The following NEGR1 variants were observed in gnomAD, a reference collection of about 807,000 sequenced individuals.
The protein encoded by NEGR1 is IgLON family member 4.
Under a neutral mutation model 40.9 loss-of-function variants are expected in NEGR1, and 10 were observed. That is an observed-to-expected ratio of 0.24 (90% CI 0.15 to 0.42). The LOEUF (loss-of-function observed/expected upper bound fraction) is 0.42, where lower values mean the gene tolerates loss of function less well. Ranked by LOEUF, NEGR1 falls within the 10% of genes least tolerant of loss-of-function variation. NEGR1 has a pLI of 1.00. For synonymous variants in NEGR1, 185 were observed against 166.8 expected, an observed-to-expected ratio of 1.11 and a Z score of -0.84; for missense variants, 352 against 438.9, an observed-to-expected ratio of 0.80 and a Z score of 1.77.
rs554297284 is a variant in NEGR1 at position 71,773,806 on chromosome 1, T to A, written c.535+2366A>T. Among the ~76,000 whole-genome samples, 317 of 152,278 alleles carry A rather than the reference T, an allele frequency of 2.1e-3. 1 individual carries two copies. Among genetic ancestry groups the A allele is most frequent in the African/African-American group, 7.4e-3 (306 of 41,566 alleles). On this transcript the variant is annotated intron_variant, in intron 3 of 6. Transcript: ENST00000357731. ...TTTAACTTATAAACCCAATCTGTCT[T>A]CTTTCAGTTTCATGATGTTATCCGT... is the stretch of plus-strand genomic sequence containing the variant.
intron 1 of NEGR1, among the ~76,000 whole-genome samples, chr1:72,166,339 T>C (rs759362862): frequency 5.3e-5 from 8 of 152,068 alleles, no homozygotes; most frequent in Non-Finnish European, 7.4e-5. Context: ...GGTAGACATG[T>C]AAATTAGCCA....
At chr1:71,549,002 G>A (rs1337546107) in intron 6 of NEGR1, among the ~76,000 whole-genome samples, 1 of 151,706 alleles carries the variant, frequency 6.6e-6, no homozygotes, top group Admixed American at 6.6e-5. Flanking sequence ...ACTGAGAACA[G>A]GAGAGTTCTT....
chr1:71,658,835 G>A (rs1000367629), intron 4 of NEGR1, among the ~76,000 whole-genome samples: 2 of 152,134 alleles, frequency 1.3e-5, no homozygotes, highest in Admixed American at 6.5e-5. Flanking sequence ...TGACAGTTAT[G>A]TAAAAACATT....
intron 1 of NEGR1, among the ~76,000 whole-genome samples, chr1:72,196,856 C>T (rs1342941240): frequency 6.6e-6 from 1 of 151,144 alleles, no homozygotes; most frequent in African/African-American, 2.4e-5. Context: ...AGGCATAGTG[C>T]CACAAAAAGT....
chr1:71,952,003 A>G (rs974487340), intron 1 of NEGR1, among the ~76,000 whole-genome samples: 3 of 151,906 alleles, frequency 2.0e-5, no homozygotes, highest in African/African-American at 4.8e-5. Flanking sequence ...CCCAACTACC[A>G]GTCATTCCCC....
intron 3 of NEGR1, among the ~76,000 whole-genome samples, chr1:71,733,744 A>G (rs1654959313): frequency 6.6e-6 from 1 of 152,200 alleles, no homozygotes; most frequent in African/African-American, 2.4e-5. Context: ...ACAGCAAAAT[A>G]TAATACAGTA....
intron 4 of NEGR1, among the ~76,000 whole-genome samples, chr1:71,696,072 T>C (rs562168282): frequency 6.6e-6 from 1 of 151,878 alleles, no homozygotes; most frequent in African/African-American, 2.4e-5. Context: ...TTGCCTTTTG[T>C]CTTTGTCCAC....
intron 3 of NEGR1, among the ~76,000 whole-genome samples, chr1:71,710,997 A>T (rs1013785455): frequency 9.9e-5 from 15 of 152,102 alleles, no homozygotes; most frequent in African/African-American, 3.6e-4. Flanking sequence ...CATGTACCCC[A>T]TAAATATATA....
intron 6 of NEGR1, among the ~76,000 whole-genome samples, chr1:71,445,311 A>T (rs528218386): frequency 0.016 from 2,370 of 146,626 alleles, 64 homozygotes; most frequent in African/African-American, 0.061. Context: ...TTTTTTTTTA[A>T]AAAAAAAATA....
intron 6 of NEGR1, chr1:71,477,367 C>T (rs1363181051): frequency 6.6e-6 from 1 of 152,014 alleles, no homozygotes; most frequent in African/African-American, 2.4e-5. Context: ...TATTTTTTCA[C>T]CTTTCACAGG....
At chr1:72,148,865 T>C (rs540396291) in intron 1 of NEGR1, among the ~76,000 whole-genome samples, 1 of 152,278 alleles carries the variant, frequency 6.6e-6, no homozygotes, top group South Asian at 2.1e-4. Context: ...TGCAAAGCCA[T>C]TCAACAAGTT....
At chr1:71,986,207 T>A (rs17092041) in intron 1 of NEGR1, among the ~76,000 whole-genome samples, 18,184 of 152,218 alleles carry the variant, frequency 0.12, 1,130 homozygotes, top group South Asian at 0.18. Context: ...TACAAAAACA[T>A]TTAATCCTCT....
chr1:71,726,655 C>A (rs1460116508), intron 3 of NEGR1, among the ~76,000 whole-genome samples: 1 of 152,014 alleles, frequency 6.6e-6, no homozygotes, highest in Non-Finnish European at 1.5e-5. Context: ...AAGATTGAGG[C>A]TTCTTCTTTC....
intron 6 of NEGR1, among the ~76,000 whole-genome samples, chr1:71,513,664 C>T (rs575498659): frequency 8.5e-5 from 13 of 152,252 alleles, no homozygotes; most frequent in Admixed American, 7.2e-4. Context: ...CTGAGATTCA[C>T]GGAAGTTAGG....
intron 2 of NEGR1, among the ~76,000 whole-genome samples, chr1:71,916,914 T>C (rs1661601727): frequency 6.6e-6 from 1 of 152,142 alleles, no homozygotes; most frequent in Non-Finnish European, 1.5e-5. Context: ...GCAAAAGAGG[T>C]CCATGGGGCT....
intron 1 of NEGR1, among the ~76,000 whole-genome samples, chr1:72,120,324 CT>C (rs1240689831): frequency 6.6e-6 from 1 of 151,732 alleles, no homozygotes; most frequent in Non-Finnish European, 1.5e-5. Flanking sequence ...GAATTATTTG[CT>C]GCTGAAATAG....
chr1:72,216,024 A>T (rs1653793220), intron 1 of NEGR1, among the ~76,000 whole-genome samples: 1 of 152,058 alleles, frequency 6.6e-6, no homozygotes, highest in East Asian at 1.9e-4. Flanking sequence ...AATACTATGC[A>T]GTTATAAAAA....
chr1:71,971,415 C>T (rs974870445), intron 1 of NEGR1, among the ~76,000 whole-genome samples: 1 of 152,086 alleles, frequency 6.6e-6, no homozygotes, highest in Non-Finnish European at 1.5e-5. Context: ...TTCTGTGCCT[C>T]ATTGCTTCTT....
intron 1 of NEGR1, among the ~76,000 whole-genome samples, chr1:72,106,132 T>C (rs1367569514): frequency 6.6e-6 from 1 of 152,008 alleles, no homozygotes; most frequent in Non-Finnish European, 1.5e-5. Context: ...AAAATAATAA[T>C]GGCAAAGTTA....
Sources: allele counts gnomAD v4.1 joint callset (sites outside exome capture counted in the v4.1 genomes callset), GRCh38; gene constraint gnomAD v4.1.1; transcripts MANE v1.5; gene names NCBI Gene and HGNC (gene_info 2026-07-23, HGNC 2026-07-21).